The following KHDC1 variants were observed in gnomAD, a reference collection of about 807,000 sequenced individuals.
KHDC1 encodes KH homology domain-containing protein 1.
Under a neutral mutation model 24.7 loss-of-function variants are expected in KHDC1, and 21 were observed. The ratio of observed to expected loss-of-function variants is 0.85; its 90% confidence interval spans 0.60 to 1.23. The LOEUF (loss-of-function observed/expected upper bound fraction) is 1.23. Among genes scored for constraint, KHDC1 ranks in the 50% most tolerant of loss-of-function variants. KHDC1 has a pLI of 0.00. For missense variants in KHDC1, 274 were observed against 298.5 expected, an observed-to-expected ratio of 0.92 and a Z score of 0.61; for synonymous variants, 98 against 111.7, an observed-to-expected ratio of 0.88 and a Z score of 0.77.
At chr6:73,290,869 G>C (rs971349857) in intron 2 of KHDC1, 1 of 355,900 alleles carries the variant, frequency 2.8e-6, no homozygotes, top group Middle Eastern at 1.0e-3. Flanking sequence ...ATTCTCCTCT[G>C]AGCTATGTGG....
intron 2 of KHDC1, among the ~76,000 whole-genome samples, chr6:73,279,281 C>T (rs1327819739): frequency 1.3e-5 from 2 of 152,138 alleles, no homozygotes; most frequent in Non-Finnish European, 2.9e-5. Context: ...TAGTGGCGCA[C>T]ACCTGTAATC....
chr6:73,254,844 T>C (rs12203786), intron 2 of KHDC1, among the ~76,000 whole-genome samples: 19,449 of 151,786 alleles, frequency 0.13, 1,588 homozygotes, highest in African/African-American at 0.23. Flanking sequence ...CTACTAAAAA[T>C]ACAAAAAATT....
intron 1 of KHDC1, chr6:73,299,735 G>T (rs1253307951): frequency 6.5e-6 from 1 of 153,036 alleles, no homozygotes; most frequent in Non-Finnish European, 1.5e-5. Flanking sequence ...GCTCCTACGG[G>T]AGGTGACAAG....
At chr6:73,269,591 T>G (rs1164636253) in intron 2 of KHDC1, 3 of 152,248 alleles carry the variant, frequency 2.0e-5, no homozygotes, top group Admixed American at 1.3e-4. Context: ...GCCCTCCTTA[T>G]TCCATGACTA....
At chr6:73,257,206 T>C (rs183417518) in intron 2 of KHDC1, among the ~76,000 whole-genome samples, 3 of 152,240 alleles carry the variant, frequency 2.0e-5, no homozygotes, top group African/African-American at 7.2e-5. Context: ...GGTGGGAAGA[T>C]TGCTTGAGCC....
intron 1 of KHDC1, among the ~76,000 whole-genome samples, chr6:73,302,906 G>C (rs1054325958): frequency 1.8e-4 from 27 of 152,060 alleles, no homozygotes; most frequent in African/African-American, 6.3e-4. Flanking sequence ...GTGAAACCCG[G>C]TCTCTACTAA....
chr6:73,253,153 A>C (rs1766811884), intron 2 of KHDC1, among the ~76,000 whole-genome samples: 1 of 152,194 alleles, frequency 6.6e-6, no homozygotes, highest in South Asian at 2.1e-4. Flanking sequence ...GAAAACCAAA[A>C]ATACACCCAC....
At chr6:73,287,550 G>A (rs1364320464) in intron 2 of KHDC1, among the ~76,000 whole-genome samples, 4 of 152,162 alleles carry the variant, frequency 2.6e-5, no homozygotes, top group Non-Finnish European at 5.9e-5. Context: ...GAAACTGAAT[G>A]ACTGAAGGAG....
At chr6:73,266,192 T>G (rs1198417402) in intron 2 of KHDC1, among the ~76,000 whole-genome samples, 1 of 152,208 alleles carries the variant, frequency 6.6e-6, no homozygotes. Flanking sequence ...CAGAGTATAG[T>G]ACCTTTTGGC....
intron 1 of KHDC1, chr6:73,292,908 A>T: frequency 2.5e-6 from 2 of 806,990 alleles, no homozygotes; most frequent in Non-Finnish European, 4.2e-6. Flanking sequence ...CTTGTGAACG[A>T]CTTCTTGGTG....
exon 1 of KHDC1, chr6:73,309,670 A>T (rs1020392474): frequency 6.5e-7 from 1 of 1,550,058 alleles, no homozygotes; most frequent in African/African-American, 1.4e-5. Flanking sequence ...AGACTGTTTC[A>T]ATCACAAATA....
chr6:73,283,399 G>A (rs1408099589), intron 2 of KHDC1, among the ~76,000 whole-genome samples: 1 of 151,282 alleles, frequency 6.6e-6, no homozygotes, highest in African/African-American at 2.4e-5. Flanking sequence ...ATTGGCTTTT[G>A]CTTTAATCTT....
At chr6:73,303,306 A>T (rs887759090) in intron 1 of KHDC1, among the ~76,000 whole-genome samples, 2 of 152,144 alleles carry the variant, frequency 1.3e-5, no homozygotes, top group African/African-American at 4.8e-5. Context: ...CAGCTGTTCC[A>T]TGAAGGTTCC....
At chr6:73,291,839 G>T in intron 2 of KHDC1, 1 of 712,390 alleles carries the variant, frequency 1.4e-6, no homozygotes. Flanking sequence ...TGTGTGATGG[G>T]CACACTGGAA....
chr6:73,292,737 A>G, intron 1 of KHDC1: 1 of 739,226 alleles, frequency 1.4e-6, no homozygotes. Flanking sequence ...ATAGCAAACA[A>G]GGATGTTCGA....
intron 2 of KHDC1, among the ~76,000 whole-genome samples, chr6:73,260,904 T>C (rs998857630): frequency 1.3e-5 from 2 of 152,228 alleles, no homozygotes; most frequent in African/African-American, 2.4e-5. Context: ...CTCTGTAGGG[T>C]TGTCTTTTTC....
intron 1 of KHDC1, among the ~76,000 whole-genome samples, chr6:73,307,160 G>A (rs1006352107): frequency 2.0e-5 from 3 of 152,150 alleles, no homozygotes; most frequent in Non-Finnish European, 4.4e-5. Context: ...GCCGGGCAAG[G>A]TGGCTCATGC....
chr6:73,261,755 T>C (rs1028128233), intron 2 of KHDC1, among the ~76,000 whole-genome samples: 2 of 151,616 alleles, frequency 1.3e-5, no homozygotes, highest in Non-Finnish European at 2.9e-5. Context: ...CTGCTAAAAA[T>C]ACAAAAATTA....
At chr6:73,301,713 C>A (rs1767879539) in intron 1 of KHDC1, among the ~76,000 whole-genome samples, 1 of 152,086 alleles carries the variant, frequency 6.6e-6, no homozygotes, top group East Asian at 1.9e-4. Context: ...CTCACTGCAG[C>A]CTCGACCTCC....
Sources: gnomAD v4.1 joint callset for allele counts (sites outside exome capture counted in the v4.1 genomes callset) on GRCh38, gnomAD v4.1.1 for gene constraint, MANE v1.5 for transcripts, NCBI Gene and HGNC (gene_info 2026-07-23, HGNC 2026-07-21) for gene names.